ZNF805: variants seen among roughly 807,000 people sequenced by gnomAD.
ZNF805 encodes the protein zinc finger protein 805, also known as CTC-444N24.8.
ZNF805 carries 7 observed loss-of-function variants against 13.6 expected under a neutral mutation model. The ratio of observed to expected loss-of-function variants is 0.51; its 90% confidence interval spans 0.29 to 0.97. The LOEUF is 0.97. ZNF805 is among the 50% of genes least tolerant of loss of function. ZNF805 has a pLI of 0.08. For missense variants in ZNF805, 604 were observed against 771.0 expected (o/e 0.78, Z 2.57); for synonymous variants, 293 against 279.8 (o/e 1.05, Z -0.47).
At position 57,256,301 on chromosome 19, in the gene ZNF805, ACTGTTACTGT is replaced by A. The variant is rs2087686942; in HGVS notation, c.*1599_*1608del. 6.6e-6 allele frequency among the ~76,000 whole-genome samples: 1 copy of A among 152,054 alleles called. No individual in the cohort carries two copies. The highest frequency in any genetic ancestry group is 2.4e-5 in the African/African-American group (1 of 41,420). Reference sequence around the variant, plus strand: ...GATAATCTGTAGTTTTCTTTCTTCAACTGTTACTGTTTGGTTTTGATGTCTAGATGATAAC... The same window carrying A: ...GATAATCTGTAGTTTTCTTTCTTCAATTGGTTTTGATGTCTAGATGATAAC... On this transcript the variant is annotated 3_prime_UTR_variant, in exon 4 of 4. Transcript: ENST00000414468.
rs2087573922 is a variant in ZNF805, at chr19:57,240,776, G to C, written c.-116G>C. On this transcript the variant is annotated 5_prime_UTR_variant, in exon 1 of 4. Transcript: ENST00000414468. ...GAGCCTCCCCGTAACGAGAGAGTTT[G>C]ACTGTCAGCCAAGGTCACCGGGCCC... 1.0e-6 allele frequency: 1 copy of C among 990,158 alleles called. No homozygotes were observed. The allele number at this position is 990,158 out of a possible 1,614,324, so 61.3% of individuals were successfully genotyped here. A position where few individuals can be genotyped will look rare whatever the true frequency, so the allele number is the denominator to read the frequency against.
At chr19:57,245,426 G>C (rs540646718) in intron 2 of ZNF805, among the ~76,000 whole-genome samples, 50 of 152,260 alleles carry the variant, frequency 3.3e-4, no homozygotes, top group African/African-American at 1.2e-3. Flanking sequence ...TTCTCAAACA[G>C]GGACGATGTT....
At chr19:57,250,336 G>A (rs1490833949) in intron 3 of ZNF805, among the ~76,000 whole-genome samples, 1 of 152,234 alleles carries the variant, frequency 6.6e-6, no homozygotes, top group African/African-American at 2.4e-5. Context: ...AGGTTCAAGC[G>A]TTTCTCCTGC....
At chr19:57,241,535 A>G (rs565855391) in intron 1 of ZNF805, among the ~76,000 whole-genome samples, 56 of 152,234 alleles carry the variant, frequency 3.7e-4, no homozygotes, top group African/African-American at 1.3e-3. Flanking sequence ...CCCGTCACAC[A>G]CATCATCCGA....
In ZNF805 at chr19:57,240,911, A is replaced by T; in HGVS notation, c.20A>T (p.Asp7Val). The T allele has an allele frequency of 6.4e-7, 1 of 1,558,498 alleles. No homozygotes were observed. Among genetic ancestry groups the T allele is most frequent in the South Asian group, 1.2e-5 (1 of 84,388 alleles). The change falls in exon 1 of 4, where the codon GAC becomes GTC. Residue 7 changes from aspartate (D) to valine (V), a missense_variant. Physicochemically the swap from Asp to Val is radical, Grantham distance 152 (BLOSUM62 -3). This residue lies in a region of ZNF805 where 327 missense variants were observed against 378.2 expected (regional missense o/e 0.86). Coordinates refer to ENST00000414468, the MANE Select transcript of ZNF805 (RefSeq NM_001023563.4). MAMALT[D>V]PAQVSVTFDD... ...CCCGGTATGGCGATGGCTTTGACGG[A>T]CCCGGCGCAGGTGAGTGGACAAGGT... is the stretch of plus-strand genomic sequence containing the variant.
intron 2 of ZNF805, among the ~76,000 whole-genome samples, chr19:57,245,633 G>C (rs1337907929): frequency 1.3e-5 from 2 of 150,132 alleles, no homozygotes; most frequent in Non-Finnish European, 3.0e-5. Context: ...CAAAAAATTA[G>C]CCGGGCGTGG....
intron 2 of ZNF805, among the ~76,000 whole-genome samples, chr19:57,248,322 A>G (rs1394799280): frequency 6.6e-6 from 1 of 152,164 alleles, no homozygotes; most frequent in Admixed American, 6.5e-5. Flanking sequence ...TATTCCATAA[A>G]TATTGTTCAC....
chr19:57,251,015 A>G (rs772188449), intron 3 of ZNF805, among the ~76,000 whole-genome samples: 2 of 152,210 alleles, frequency 1.3e-5, no homozygotes, highest in African/African-American at 4.8e-5. Flanking sequence ...TTCATGGTTC[A>G]CAGTGTATTC....
chr19:57,253,620 T>C lies in ZNF805; in HGVS notation c.801T>C (p.Ala267=). ...KPYKCMECGK[A]FNRKSHLTQH... Reference sequence around the variant, plus strand: ...ATAAGTGCATGGAGTGTGGGAAGGCTTTTAATCGGAAGTCACACCTTACCC... The same window carrying C: ...ATAAGTGCATGGAGTGTGGGAAGGCCTTTAATCGGAAGTCACACCTTACCC... Residue 267 remains alanine, a synonymous_variant, in exon 4 of 4, where the codon GCT becomes GCC. Coordinates refer to ENST00000414468, the MANE Select transcript of ZNF805 (RefSeq NM_001023563.4). This position sits in a 1 kb window ranked among gnomAD's most constrained non-coding sequence, Gnocchi z 4.4. 6.2e-7 allele frequency: 1 copy of C among 1,611,988 alleles called. No homozygotes were observed. The highest frequency in any genetic ancestry group is 8.5e-7 in the Non-Finnish European group (1 of 1,179,288).
intron 2 of ZNF805, among the ~76,000 whole-genome samples, chr19:57,247,496 T>C (rs560861417): frequency 1.3e-5 from 2 of 152,332 alleles, no homozygotes; most frequent in South Asian, 2.1e-4. Context: ...TGCCTGTGCC[T>C]CAGTGTTCTC....
Position 57,253,822 on chromosome 19 carries a change from A to G in ZNF805, c.1003A>G (p.Ile335Val), listed in dbSNP as rs1396934549. The change falls in exon 4 of 4, where the codon ATC becomes GTC. Residue 335 changes from isoleucine to valine, a missense_variant. Physicochemically the swap from Ile to Val is conservative, Grantham distance 29. This residue lies in a region of ZNF805 where 228 missense variants were observed against 352.8 expected (regional missense o/e 0.65). Coordinates refer to ENST00000414468, the MANE Select transcript of ZNF805 (RefSeq NM_001023563.4). The surrounding 1 kb of genome is among the most constrained non-coding windows in gnomAD (Gnocchi z 4.4). ...TAGGCCAGGTTTCATTCGACACTACATCATCCACAGTGGTGAGAATCCCTA... is the reference window on the plus strand; with the variant it reads ...TAGGCCAGGTTTCATTCGACACTACGTCATCCACAGTGGTGAGAATCCCTA... ...RDRPGFIRHYIIHSGENPYEC... is the reference protein window; with the variant it reads ...RDRPGFIRHYVIHSGENPYEC... The G allele has an allele frequency of 3.1e-6, 5 of 1,614,096 alleles. No individual in the cohort carries two copies. The highest frequency in any genetic ancestry group is 2.7e-5 in the African/African-American group (2 of 75,010).
chr19:57,243,949 T>C lies in ZNF805; in HGVS notation c.57T>C (p.Ala19=), dbSNP rs2087595258. 1 of 1,614,186 alleles carries C rather than the reference T, an allele frequency of 6.2e-7. No individual in the cohort carries two copies. The highest frequency in any genetic ancestry group is 1.3e-5 in the African/African-American group (1 of 75,054). The change falls in exon 2 of 4, where the codon GCT becomes GCC. Residue 19 remains alanine (A), a synonymous_variant. Coordinates refer to ENST00000414468, the MANE Select transcript of ZNF805 (RefSeq NM_001023563.4). ...TGTCTGTGACCTTTGATGATGTGGC[T>C]GTGACTTTCACCCAGGAGGAGTGGG... ...AQVSVTFDDV[A]VTFTQEEWGQ... is the part of the protein sequence containing the mutation.
rs1436436926 is a variant in ZNF805, at chr19:57,240,697, G to C, written c.-195G>C. 1.9e-6 allele frequency: 1 copy of C among 518,450 alleles called. No homozygotes were observed. Among genetic ancestry groups the C allele is most frequent in the Non-Finnish European group, 3.4e-6 (1 of 293,884 alleles). 32.1% of individuals were successfully genotyped at this position (518,450 alleles called of 1,614,324 possible). A position where few individuals can be genotyped will look rare whatever the true frequency, so the allele number is the denominator to read the frequency against. On this transcript the variant is annotated 5_prime_UTR_variant, in exon 1 of 4. Transcript: ENST00000414468. Reference sequence around the variant, plus strand: ...GTGGCCGCCTCCCTGGCGGCGCTGGGGAAATGAGCAGGTAGGAGGCCGACA... The same window carrying C: ...GTGGCCGCCTCCCTGGCGGCGCTGGCGAAATGAGCAGGTAGGAGGCCGACA...
rs1394827162 is a variant in ZNF805 at position 57,254,218 on chromosome 19, A to C, written c.1399A>C (p.Arg467=). The C allele has an allele frequency of 1.2e-6, 2 of 1,613,812 alleles. No homozygotes were observed. Among genetic ancestry groups the C allele is most frequent in the African/African-American group, 1.3e-5 (1 of 74,814 alleles). ...CKECGKAFSN[R]ADLIRHFSIH... ...AGAGTGTGGGAAAGCCTTTAGCAAT[A>C]GGGCAGACCTCATTCGCCACTTCAG... The change falls in exon 4 of 4, where the codon AGG becomes CGG. Residue 467 remains arginine (R), a synonymous_variant. Coordinates refer to ENST00000414468, the MANE Select transcript of ZNF805 (RefSeq NM_001023563.4).
chr19:57,247,659 C>T (rs1442104294), intron 2 of ZNF805, among the ~76,000 whole-genome samples: 1 of 152,228 alleles, frequency 6.6e-6, no homozygotes, highest in African/African-American at 2.4e-5. Context: ...CTATTACCGT[C>T]GTCCTCATCA....
chr19:57,252,997 T>C (rs922093091), intron 3 of ZNF805, 76 bp from the exon 4 acceptor site: 5 of 1,261,500 alleles, frequency 4.0e-6, no homozygotes, highest in African/African-American at 1.5e-5. Context: ...CTTCATTTTT[T>C]TTACTGAAGT....
rs1483273862 is a variant in ZNF805 at position 57,253,687 on chromosome 19, A to C, written c.868A>C (p.Ser290Arg). The C allele has an allele frequency of 6.2e-7, 1 of 1,614,018 alleles. No individual in the cohort carries two copies. Among genetic ancestry groups the C allele is most frequent in the Admixed American group, 1.7e-5 (1 of 60,020 alleles). The change falls in exon 4 of 4, where the codon AGT becomes CGT. Residue 290 changes from serine to arginine, a missense_variant. Transcript: ENST00000414468. The surrounding 1 kb of genome is among the most constrained non-coding windows in gnomAD (Gnocchi z 4.4). ...CAGTGGAGAGAAGCCTTATAAGTGC[A>C]GTGAATGTGGAAAGGCCTTCACCCA... is the stretch of plus-strand genomic sequence containing the variant. ...IHSGEKPYKC[S>R]ECGKAFTHRS... is the part of the protein sequence containing the mutation.
chr19:57,245,542 G>A (rs2087608168), intron 2 of ZNF805, among the ~76,000 whole-genome samples: 1 of 151,552 alleles, frequency 6.6e-6, no homozygotes, highest in Non-Finnish European at 1.5e-5. Flanking sequence ...CACTTTGGGA[G>A]GCCGAGATGG....
chr19:57,262,353 A>G lies in ZNF805; in HGVS notation c.*7650A>G, dbSNP rs986039824. The stretch of plus-strand genomic sequence containing the variant: ...ACGTGTAAACCATTGTAACCAAGAA[A>G]AAAAAAAAAAGTCAGAGTCACAGTG... On this transcript the variant is annotated 3_prime_UTR_variant, in exon 4 of 4. Transcript: ENST00000414468. 8 of 166,584 alleles carry G rather than the reference A, an allele frequency of 4.8e-5. No individual in the cohort carries two copies. The highest frequency in any genetic ancestry group is 1.2e-4 in the Non-Finnish European group (8 of 68,002). The allele number at this position is 166,584 out of a possible 1,614,324, so 10.3% of individuals were successfully genotyped here. A position where few individuals can be genotyped will look rare whatever the true frequency, so the allele number is the denominator to read the frequency against.
Sources: gnomAD v4.1 joint callset for allele counts (sites outside exome capture counted in the v4.1 genomes callset) on GRCh38, gnomAD v4.1.1 for gene constraint, gnomAD v4.1.1 regional missense constraint, Gnocchi (gnomAD v3.1) non-coding constraint, MANE v1.5 for transcripts, NCBI Gene and HGNC (gene_info 2026-07-23, HGNC 2026-07-21) for gene names.